Variants in ATF2 observed in about 807,000 individuals in gnomAD.
The protein encoded by ATF2 is activating transcription factor 2.
In ATF2, 24 loss-of-function variants were observed where a neutral mutation model predicts 60.6. The ratio of observed to expected loss-of-function variants is 0.40; its 90% CI spans 0.29 to 0.56. The LOEUF is 0.56. Ranked by LOEUF, ATF2 falls within the 20% of genes least tolerant of loss-of-function variation. The pLI, the probability that ATF2 is intolerant of heterozygous loss-of-function variation, is 0.54. For synonymous variants in ATF2, 206 were observed against 215.4 expected (o/e 0.96, Z 0.38); for missense variants, 433 against 607.7 (o/e 0.71, Z 3.02).
chr2:175,120,905 G>A (rs1419331691), intron 5 of ATF2, among the ~76,000 whole-genome samples: 1 of 151,672 alleles, frequency 6.6e-6, no homozygotes, highest in Non-Finnish European at 1.5e-5. Flanking sequence ...ATCTGCTTAG[G>A]TGATACTGTA....
chr2:175,133,103 T>C (rs561350885), intron 3 of ATF2, among the ~76,000 whole-genome samples: 1 of 149,488 alleles, frequency 6.7e-6, no homozygotes, highest in Non-Finnish European at 1.5e-5. Context: ...AAAAAAAAAA[T>C]AAATAAATAA....
chr2:175,124,184 C>T lies in ATF2; in HGVS notation c.103-2644G>A, dbSNP rs1697160574. On this transcript the variant is annotated intron_variant, in intron 4 of 13. Transcript: ENST00000264110. ...TTCTTCCAGGCATTTCAAAGCACAA[C>T]CCCAAAGAAAATACTGTAGATATAC... 2.6e-5 allele frequency among the ~76,000 whole-genome samples: 4 copies of T among 151,610 alleles called. No homozygotes were observed. The South Asian group carries it at 6.2e-4, about 24-fold the overall frequency.
chr2:175,080,852 G>A, intron 12 of ATF2, 87 bp from the exon 13 acceptor site: 1 of 989,634 alleles, frequency 1.0e-6, no homozygotes, highest in Non-Finnish European at 1.5e-6. Flanking sequence ...GTATAAAATT[G>A]GACATCACTG....
At chr2:175,121,998 G>A (rs1365881620) in intron 4 of ATF2, among the ~76,000 whole-genome samples, 2 of 151,552 alleles carry the variant, frequency 1.3e-5, no homozygotes, top group Non-Finnish European at 3.0e-5. Flanking sequence ...TATTACGCCT[G>A]GACAAAATTT....
chr2:175,124,241 T>C (rs1275384573), intron 4 of ATF2, among the ~76,000 whole-genome samples: 1 of 148,468 alleles, frequency 6.7e-6, no homozygotes, highest in African/African-American at 2.5e-5. Flanking sequence ...TAAACAAGAC[T>C]AAGACCTTGA....
intron 1 of ATF2, among the ~76,000 whole-genome samples, chr2:175,159,754 T>C (rs1699903459): frequency 6.6e-6 from 1 of 152,180 alleles, no homozygotes; most frequent in Admixed American, 6.5e-5. Context: ...AGTTTTATAG[T>C]TTAAAATTAT....
rs1194312551 is a variant in ATF2 at position 175,073,386 on chromosome 2, T to G, written c.*1223A>C. 1 of 152,056 alleles carries G rather than the reference T, an allele frequency of 6.6e-6. No homozygotes were observed. Among genetic ancestry groups the G allele is most frequent in the East Asian group, 1.9e-4 (1 of 5,192 alleles). The allele number at this position is 152,056 out of a possible 1,614,324, so 9.4% of individuals were successfully genotyped here. A position where few individuals can be genotyped will look rare whatever the true frequency, so the allele number is the denominator to read the frequency against. On this transcript the variant is annotated 3_prime_UTR_variant, in exon 14 of 14. Coordinates refer to ENST00000264110, the MANE Select transcript of ATF2 (RefSeq NM_001880.4). ...ATAATGACATTTTAAACTGCAATCA[T>G]CTATTGGCCAGCATCACACTGAAGG...
rs1271368493 is a variant in ATF2 at position 175,073,913 on chromosome 2, A to G, written c.*696T>C. The G allele has an allele frequency of 6.6e-6, 1 of 152,182 alleles. No homozygotes were observed. The highest frequency in any genetic ancestry group is 1.5e-5 in the Non-Finnish European group (1 of 68,020). 9.4% of individuals were successfully genotyped at this position (152,182 alleles called of 1,614,324 possible). A position where few individuals can be genotyped will look rare whatever the true frequency, so the allele number is the denominator to read the frequency against. On this transcript the variant is annotated 3_prime_UTR_variant, in exon 14 of 14. Coordinates refer to ENST00000264110, the MANE Select transcript of ATF2 (RefSeq NM_001880.4). Reference sequence around the variant, plus strand: ...AATTTAAGACTTGAAAAATAAAATCATTTTTGAAATGCTGAAAATTCTAAA... The same window carrying G: ...AATTTAAGACTTGAAAAATAAAATCGTTTTTGAAATGCTGAAAATTCTAAA...
intron 10 of ATF2, among the ~76,000 whole-genome samples, chr2:175,102,371 TTGG>T (rs1335986792): frequency 6.6e-6 from 1 of 152,218 alleles, no homozygotes; most frequent in Admixed American, 6.5e-5. Context: ...GCATCTGATA[TTGG>T]TCAGTCCATT....
At chr2:175,084,035 A>G (rs1035340617) in intron 12 of ATF2, among the ~76,000 whole-genome samples, 12 of 152,186 alleles carry the variant, frequency 7.9e-5, no homozygotes, top group African/African-American at 2.7e-4. Context: ...ACACTTTTAC[A>G]CTGTTGGTGG....
chr2:175,158,641 T>C (rs1035268643), intron 1 of ATF2, among the ~76,000 whole-genome samples: 2 of 152,070 alleles, frequency 1.3e-5, no homozygotes, highest in East Asian at 3.9e-4. Context: ...ATATTTTAAA[T>C]GGATAATTTA....
At chr2:175,129,372 A>T (rs535850231) in intron 4 of ATF2, among the ~76,000 whole-genome samples, 80 of 152,212 alleles carry the variant, frequency 5.3e-4, no homozygotes, top group African/African-American at 1.8e-3. Flanking sequence ...TACTATCCTG[A>T]TTGTGCTGAT....
At chr2:175,105,986 T>C (rs890636858) in intron 10 of ATF2, among the ~76,000 whole-genome samples, 1 of 152,198 alleles carries the variant, frequency 6.6e-6, no homozygotes, top group African/African-American at 2.4e-5. Context: ...GGAAATTTTA[T>C]AGCTTTAAAT....
At chr2:175,128,366 G>A (rs1697493509) in intron 4 of ATF2, among the ~76,000 whole-genome samples, 2 of 152,116 alleles carry the variant, frequency 1.3e-5, no homozygotes, top group South Asian at 4.1e-4. Context: ...CAGGTGTGGT[G>A]GCGCATGCCT....
chr2:175,080,903 G>A (rs1693715124), intron 12 of ATF2, 138 bp from the exon 13 acceptor site: 6 of 597,564 alleles, frequency 1.0e-5, no homozygotes, highest in Admixed American at 6.0e-5. Flanking sequence ...GATTAAATAT[G>A]TCTAATCAGC....
intron 11 of ATF2, among the ~76,000 whole-genome samples, chr2:175,094,403 GAAAA>G (rs61440218): frequency 0.065 from 3,985 of 61,142 alleles, 176 homozygotes; most frequent in African/African-American, 0.16. Flanking sequence ...CAAAAAATAC[GAAAA>G]AAAAAAAAAA....
intron 12 of ATF2, among the ~76,000 whole-genome samples, chr2:175,084,437 C>T (rs1323235547): frequency 3.0e-5 from 4 of 134,622 alleles, no homozygotes; most frequent in Non-Finnish European, 4.6e-5. Flanking sequence ...AGATGGGAAC[C>T]GAACAATGAG....
At chr2:175,166,809 T>C (rs575739968) in intron 1 of ATF2, among the ~76,000 whole-genome samples, 35 of 152,316 alleles carry the variant, frequency 2.3e-4, no homozygotes, top group East Asian at 1.9e-3. Flanking sequence ...TGATTTTAAA[T>C]GTATATCTTA....
chr2:175,098,545 G>C (rs1459703888), intron 10 of ATF2, among the ~76,000 whole-genome samples: 1 of 152,136 alleles, frequency 6.6e-6, no homozygotes, highest in African/African-American at 2.4e-5. Context: ...GAGTGCAACT[G>C]AGAGACAAAA....
Sources: gnomAD v4.1 joint callset for allele counts (sites outside exome capture counted in the v4.1 genomes callset) on GRCh38, gnomAD v4.1.1 for gene constraint, MANE v1.5 for transcripts, NCBI Gene and HGNC (gene_info 2026-07-23, HGNC 2026-07-21) for gene names.